FAM193A: variants seen among roughly 807,000 people sequenced by gnomAD.
FAM193A encodes the protein family with sequence similarity 193 member A.
In FAM193A, 22 loss-of-function variants were observed where a neutral mutation model predicts 126.5. The ratio of observed to expected loss-of-function variants is 0.17; its 90% CI spans 0.12 to 0.25. The LOEUF (loss-of-function observed/expected upper bound fraction) is 0.25, where lower values mean the gene tolerates loss of function less well. Among genes scored for constraint, FAM193A ranks in the 10% least tolerant of loss-of-function variants. FAM193A has a pLI of 1.00. For missense variants in FAM193A, 1,675 were observed against 1,672.8 expected, an observed-to-expected ratio of 1.00 and a Z score of -0.02; for synonymous variants, 761 against 646.8, an observed-to-expected ratio of 1.18 and a Z score of -2.68.
intron 2 of FAM193A, chr4:2,608,294 T>C: frequency 1.6e-6 from 1 of 612,432 alleles, no homozygotes; most frequent in East Asian, 3.1e-5. Flanking sequence ...CCCTTCTGCC[T>C]CAGTCTCCTG....
chr4:2,675,143 T>C (rs1325651538), intron 13 of FAM193A, among the ~76,000 whole-genome samples: 1 of 152,162 alleles, frequency 6.6e-6, no homozygotes, highest in Non-Finnish European at 1.5e-5. Flanking sequence ...TTTATTAAGG[T>C]ATGTTTTATG....
chr4:2,541,695 T>G (rs1737242879), intron 1 of FAM193A, among the ~76,000 whole-genome samples: 1 of 152,166 alleles, frequency 6.6e-6, no homozygotes, highest in African/African-American at 2.4e-5. Flanking sequence ...CCACCCACCT[T>G]GGCCTCCCAA....
At chr4:2,638,384 G>A (rs974729129) in intron 5 of FAM193A, among the ~76,000 whole-genome samples, 1 of 152,210 alleles carries the variant, frequency 6.6e-6, no homozygotes, top group African/African-American at 2.4e-5. Flanking sequence ...CCAGCCTGGG[G>A]CTGGGTATCA....
At chr4:2,601,926 C>T (rs138637474) in intron 2 of FAM193A, among the ~76,000 whole-genome samples, 201 of 152,234 alleles carry the variant, frequency 1.3e-3, no homozygotes, top group African/African-American at 4.5e-3. Context: ...GTAACCTCCA[C>T]CTCCCAGGTT....
At chr4:2,610,230 CA>C (rs1741782787) in intron 2 of FAM193A, among the ~76,000 whole-genome samples, 1 of 151,936 alleles carries the variant, frequency 6.6e-6, no homozygotes. Context: ...GACTCTGTCT[CA>C]AAAACAAAAC....
chr4:2,724,827 G>C (rs1229792275), intron 20 of FAM193A, among the ~76,000 whole-genome samples: 1 of 152,130 alleles, frequency 6.6e-6, no homozygotes, highest in Non-Finnish European at 1.5e-5. Flanking sequence ...TCGTTATCAA[G>C]GGTTACGGAA....
chr4:2,667,376 G>C (rs903574602), intron 12 of FAM193A, among the ~76,000 whole-genome samples: 1 of 152,192 alleles, frequency 6.6e-6, no homozygotes, highest in Non-Finnish European at 1.5e-5. Flanking sequence ...TATTCTTACT[G>C]ATTATCTGTC....
intron 6 of FAM193A, 46 bp downstream of exon 6, chr4:2,639,905 G>A (rs1282025891): frequency 6.3e-7 from 1 of 1,587,538 alleles, no homozygotes; most frequent in Non-Finnish European, 8.6e-7. Context: ...TGACAGCACA[G>A]TCTTTTCTCC....
chr4:2,631,133 G>A lies in FAM193A; in HGVS notation c.1002G>A (p.Gln334=), dbSNP rs770934285. Residue 334 remains glutamine, a synonymous_variant, in exon 5 of 21, where the codon CAG becomes CAA. Coordinates refer to ENST00000637812, the MANE Select transcript of FAM193A (RefSeq NM_001366318.2). Reference sequence around the variant, plus strand: ...TTGAGGAGTACGGCGCCCTCTGCCAGGCCGCACGCTCCATCAGCACCTTCC... The same window carrying A: ...TTGAGGAGTACGGCGCCCTCTGCCAAGCCGCACGCTCCATCAGCACCTTCC... ...LLLEEYGALC[Q]AARSISTFLG... 2 of 1,613,120 alleles carry A rather than the reference G, an allele frequency of 1.2e-6. No homozygotes were observed. The highest frequency in any genetic ancestry group is 1.1e-5 in the South Asian group (1 of 90,862).
At chr4:2,547,678 T>G (rs1578568597) in intron 1 of FAM193A, among the ~76,000 whole-genome samples, 1 of 151,004 alleles carries the variant, frequency 6.6e-6, no homozygotes, top group Non-Finnish European at 1.5e-5. Context: ...CAGGCTGGAG[T>G]GCAGTGGCGC....
chr4:2,599,584 A>G (rs868682016), intron 2 of FAM193A, among the ~76,000 whole-genome samples: 3 of 152,144 alleles, frequency 2.0e-5, no homozygotes, highest in African/African-American at 2.4e-5. Context: ...GCACGTTGCA[A>G]ATTTCTCTGG....
At chr4:2,684,341 C>T (rs1214034263) in intron 13 of FAM193A, among the ~76,000 whole-genome samples, 1 of 152,050 alleles carries the variant, frequency 6.6e-6, no homozygotes, top group Non-Finnish European at 1.5e-5. Flanking sequence ...AGTCCTGATT[C>T]TGACTATATT....
At chr4:2,642,959 G>A (rs1332558729) in intron 6 of FAM193A, among the ~76,000 whole-genome samples, 1 of 151,922 alleles carries the variant, frequency 6.6e-6, no homozygotes, top group Non-Finnish European at 1.5e-5. Context: ...ATCTTTTTCT[G>A]TGCCCTAGTT....
intron 6 of FAM193A, among the ~76,000 whole-genome samples, chr4:2,644,598 G>A (rs980392085): frequency 6.6e-6 from 1 of 152,148 alleles, no homozygotes; most frequent in East Asian, 1.9e-4. Context: ...ATCCATGTGC[G>A]TCAGTATTGT....
chr4:2,687,914 C>T (rs1416518137), intron 13 of FAM193A, among the ~76,000 whole-genome samples: 1 of 152,220 alleles, frequency 6.6e-6, no homozygotes, highest in Non-Finnish European at 1.5e-5. Flanking sequence ...TGCGCCATCC[C>T]TTTGCTCCTA....
intron 2 of FAM193A, among the ~76,000 whole-genome samples, chr4:2,613,372 A>AT (rs1741989625): frequency 6.8e-6 from 1 of 147,062 alleles, no homozygotes; most frequent in South Asian, 2.1e-4. Context: ...GTACATAGAA[A>AT]TTCAGCTTTT....
At chr4:2,663,055 A>G (rs1712664401) in intron 11 of FAM193A, 54 bp from the exon 12 acceptor site, 3 of 1,596,840 alleles carry the variant, frequency 1.9e-6, no homozygotes, top group African/African-American at 1.3e-5. Flanking sequence ...ACATTTTAAT[A>G]TTTTATATTA....
At chr4:2,728,218 G>T (rs1720972528) in intron 20 of FAM193A, among the ~76,000 whole-genome samples, 1 of 148,972 alleles carries the variant, frequency 6.7e-6, no homozygotes, top group Non-Finnish European at 1.5e-5. Flanking sequence ...TTACAGGCGT[G>T]AGCTGCCACA....
intron 4 of FAM193A, among the ~76,000 whole-genome samples, chr4:2,627,575 CTTTTTTTT>C (rs753783682): frequency 3.1e-5 from 2 of 64,008 alleles, no homozygotes; most frequent in South Asian, 1.4e-3. Context: ...ATTTGGGAGG[CTTTTTTTT>C]TTTTTTTTTT....
Sources: allele counts gnomAD v4.1 joint callset (sites outside exome capture counted in the v4.1 genomes callset), GRCh38; gene constraint gnomAD v4.1.1; transcripts MANE v1.5; gene names NCBI Gene and HGNC (gene_info 2026-07-23, HGNC 2026-07-21).